The following TXNDC9 variants were observed in gnomAD, a reference collection of about 807,000 sequenced individuals.
TXNDC9 encodes the protein thioredoxin domain containing 9.
Under a neutral mutation model 23.0 loss-of-function variants are expected in TXNDC9, and 7 were observed. The observed-to-expected ratio is 0.30, with a 90% CI of 0.17 to 0.57. The LOEUF (loss-of-function observed/expected upper bound fraction) is 0.57, where lower values mean the gene tolerates loss of function less well. Among genes scored for constraint, TXNDC9 ranks in the 20% least tolerant of loss-of-function variants. The probability of loss-of-function intolerance (pLI) is 0.90; values close to 1 mark genes in which losing one functional copy is unlikely to be tolerated. For missense variants in TXNDC9, 198 were observed against 252.6 expected (o/e 0.78, Z 1.47); for synonymous variants, 72 against 90.6 (o/e 0.79, Z 1.17).
intron 3 of TXNDC9, 31 bp from the exon 4 acceptor site, chr2:99,322,240 G>A: frequency 6.3e-7 from 1 of 1,583,514 alleles, no homozygotes; most frequent in Non-Finnish European, 8.6e-7. Flanking sequence ...AAAATTATAA[G>A]CTAAAACCAC....
intron 3 of TXNDC9, among the ~76,000 whole-genome samples, chr2:99,324,525 G>A (rs777755091): frequency 8.5e-5 from 13 of 152,126 alleles, no homozygotes; most frequent in Non-Finnish European, 1.5e-4. Flanking sequence ...TGAGAAATAT[G>A]TTCCTGAAAA....
intron 4 of TXNDC9, 134 bp from the exon 5 acceptor site, chr2:99,319,933 T>C (rs2094197552): frequency 3.3e-6 from 2 of 602,078 alleles, no homozygotes; most frequent in Middle Eastern, 4.4e-4. Flanking sequence ...AGGGAAGAGG[T>C]ATAATGCTTA....
At chr2:99,324,413 T>C (rs1002041731) in intron 3 of TXNDC9, among the ~76,000 whole-genome samples, 10 of 152,324 alleles carry the variant, frequency 6.6e-5, no homozygotes, top group African/African-American at 2.2e-4. Flanking sequence ...ATGTTACTCA[T>C]GTAGTTCAGT....
At chr2:99,334,518 G>A (rs570871388) in intron 1 of TXNDC9, among the ~76,000 whole-genome samples, 93 of 152,270 alleles carry the variant, frequency 6.1e-4, no homozygotes, top group African/African-American at 2.2e-3. Flanking sequence ...ATTACTCCTA[G>A]GCTACAAATC....
intron 2 of TXNDC9, among the ~76,000 whole-genome samples, chr2:99,331,364 T>A (rs1016607865): frequency 6.6e-6 from 1 of 151,412 alleles, no homozygotes; most frequent in Non-Finnish European, 1.5e-5. Flanking sequence ...TCATTTGAGG[T>A]CGGAATTTGA....
chr2:99,332,633 C>G (rs547098174), intron 2 of TXNDC9: 1 of 163,666 alleles, frequency 6.1e-6, no homozygotes, highest in East Asian at 1.8e-4. Context: ...GCCTGAAATA[C>G]ATTTTTCAAC....
At chr2:99,313,189 C>T in the TXNDC9 span, among the ~76,000 whole-genome samples, 8 of 151,760 alleles carry the variant, frequency 5.3e-5, no homozygotes, top group Admixed American at 4.6e-4. Context: ...ACAACAACAA[C>T]AACAATAAAA....
chr2:99,328,350 C>T (rs955741778), intron 2 of TXNDC9, among the ~76,000 whole-genome samples: 4 of 151,884 alleles, frequency 2.6e-5, no homozygotes, highest in East Asian at 3.9e-4. Context: ...AATCCTCCCA[C>T]CTTGTCCTCC....
chr2:99,328,862 G>A (rs1190365179), intron 2 of TXNDC9, among the ~76,000 whole-genome samples: 2 of 151,982 alleles, frequency 1.3e-5, no homozygotes. Flanking sequence ...GGTGGTAGGC[G>A]CCTGTAATCC....
chr2:99,327,420 A>G, intron 3 of TXNDC9, 115 bp downstream of exon 3: 2 of 764,260 alleles, frequency 2.6e-6, no homozygotes, highest in Non-Finnish European at 4.4e-6. Context: ...ACAATGAAAC[A>G]ACTTAGGAAG....
downstream of TXNDC9, among the ~76,000 whole-genome samples, chr2:99,318,605 T>C (rs930336264): frequency 5.9e-5 from 9 of 152,162 alleles, no homozygotes; most frequent in Non-Finnish European, 1.2e-4. Flanking sequence ...AAAGGGGTGA[T>C]ATAACCCCTG....
At position 99,327,590 on chromosome 2, in the gene TXNDC9, C is replaced by T. The variant is rs1559235627; in HGVS notation, c.253G>A (p.Glu85Lys). 4 of 1,613,652 alleles carry T rather than the reference C, an allele frequency of 2.5e-6. No individual in the cohort carries two copies. The South Asian group carries it at 4.4e-5, about 18-fold the overall frequency. Residue 85 changes from glutamate (E) to lysine (K), a missense_variant, in exon 3 of 5, where the codon GAA (glutamate) becomes AAA (lysine). Transcript: ENST00000264255. ...ACCACATTTTCACTCTCCTTGACTT[C>T]TTGAAAAAAGTCTCTTTCACTAGGG... ...EIPSERDFFQ[E>K]VKESENVVCH...
the TXNDC9 span, chr2:99,306,780 C>T: frequency 2.2e-6 from 1 of 455,488 alleles, no homozygotes; most frequent in South Asian, 1.5e-5. Context: ...GCCCTAGGGC[C>T]ACCACCTGTG....
At position 99,327,474 on chromosome 2, in the gene TXNDC9, T is replaced by C. The variant is rs2094215234; in HGVS notation, c.308+61A>G. 4.1e-6 allele frequency: 5 copies of C among 1,226,072 alleles called. No individual in the cohort carries two copies. The South Asian group carries it at 6.3e-5, about 15-fold the overall frequency. 75.9% of individuals were successfully genotyped at this position (1,226,072 alleles called of 1,614,324 possible). On this transcript the variant is annotated intron_variant, in intron 3 of 4. Coordinates refer to ENST00000264255, the MANE Select transcript of TXNDC9 (RefSeq NM_005783.4). ...TTCATTTCTCTAGTAAGCCAGTATA[T>C]CTCCAGCCAAACAATTCACTGTGTT... is the stretch of plus-strand genomic sequence containing the variant.
At chr2:99,316,496 GTTT>G (rs998643265), downstream of TXNDC9, among the ~76,000 whole-genome samples, 2 of 151,018 alleles carry the variant, frequency 1.3e-5, no homozygotes, top group Non-Finnish European at 3.0e-5. Context: ...ACAATGAGTA[GTTT>G]TTTTTTCTGT....
At chr2:99,311,435 G>A in the TXNDC9 span, among the ~76,000 whole-genome samples, 5 of 152,016 alleles carry the variant, frequency 3.3e-5, no homozygotes, top group Admixed American at 6.6e-5. Context: ...TTACAAGTGC[G>A]TGCCACCATG....
chr2:99,333,794 G>A (rs2094231563), intron 1 of TXNDC9, among the ~76,000 whole-genome samples: 4 of 152,102 alleles, frequency 2.6e-5, no homozygotes, highest in African/African-American at 9.7e-5. Context: ...ATGTAAAGAA[G>A]AGTGCCTGGT....
At chr2:99,328,924 G>A (rs763716863) in intron 2 of TXNDC9, among the ~76,000 whole-genome samples, 2 of 152,172 alleles carry the variant, frequency 1.3e-5, no homozygotes, top group Non-Finnish European at 2.9e-5. Context: ...AGGAGGCAGA[G>A]GTTGCAGTGA....
At chr2:99,326,096 T>G (rs1488597585) in intron 3 of TXNDC9, among the ~76,000 whole-genome samples, 1 of 152,070 alleles carries the variant, frequency 6.6e-6, no homozygotes, top group Non-Finnish European at 1.5e-5. Context: ...CTCATCATAT[T>G]TGTCAGAGGT....
Sources: gnomAD v4.1 joint callset for allele counts (sites outside exome capture counted in the v4.1 genomes callset) on GRCh38, gnomAD v4.1.1 for gene constraint, MANE v1.5 for transcripts, NCBI Gene and HGNC (gene_info 2026-07-23, HGNC 2026-07-21) for gene names.